Variants in ANKRD44 observed in about 807,000 individuals in gnomAD.
ANKRD44 encodes the protein ankyrin repeat domain 44, also known as serine/threonine-protein phosphatase 6 regulatory ankyrin repeat subunit B.
In ANKRD44, 35 loss-of-function variants were observed where a neutral mutation model predicts 116.0. The observed-to-expected ratio is 0.30, with a 90% confidence interval of 0.23 to 0.40. ANKRD44 has a LOEUF of 0.40. Ranked by LOEUF, ANKRD44 falls within the 10% of genes least tolerant of loss-of-function variation. ANKRD44 has a pLI of 1.00. For synonymous variants in ANKRD44, 435 were observed against 461.8 expected, an observed-to-expected ratio of 0.94 and a Z score of 0.74; for missense variants, 1,014 against 1,242.6, an observed-to-expected ratio of 0.82 and a Z score of 2.77.
At chr2:197,226,519 C>G (rs1165863362) in intron 1 of ANKRD44, among the ~76,000 whole-genome samples, 1 of 152,100 alleles carries the variant, frequency 6.6e-6, no homozygotes, top group Non-Finnish European at 1.5e-5. Context: ...AAAAAATTAG[C>G]CAGGTGTGGT....
At chr2:197,249,576 TCTC>T (rs2082272209) in intron 1 of ANKRD44, among the ~76,000 whole-genome samples, 1 of 152,182 alleles carries the variant, frequency 6.6e-6, no homozygotes, top group Non-Finnish European at 1.5e-5. Flanking sequence ...AAACACATAA[TCTC>T]CTCATCAGCT....
At position 197,038,139 on chromosome 2, in the gene ANKRD44, G is replaced by T. The variant is rs568332215; in HGVS notation, c.1651-12872C>A. On this transcript the variant is annotated intron_variant, in intron 16 of 27. Coordinates refer to ENST00000282272, the MANE Select transcript of ANKRD44 (RefSeq NM_001195144.2). ...TATAACACCAAGAGTGGACCTTGAG[G>T]TAAACTCTGGGACTTTGGGTGATTT... Among the ~76,000 whole-genome samples the T allele has an allele frequency of 7.2e-5, 11 of 152,156 alleles. No homozygotes were observed. In the South Asian group the frequency reaches 2.1e-3, roughly 29 times the overall value.
At chr2:197,256,948 T>G (rs912169969) in intron 1 of ANKRD44, among the ~76,000 whole-genome samples, 5 of 152,104 alleles carry the variant, frequency 3.3e-5, no homozygotes, top group Non-Finnish European at 5.9e-5. Context: ...AGAAAAAAAC[T>G]GTATTCATGC....
At chr2:197,056,975 T>A (rs2077215245) in intron 16 of ANKRD44, among the ~76,000 whole-genome samples, 1 of 152,244 alleles carries the variant, frequency 6.6e-6, no homozygotes, top group African/African-American at 2.4e-5. Flanking sequence ...CGGGCCATTC[T>A]GTCCACCACA....
At chr2:197,117,185 C>G (rs1470582261) in intron 8 of ANKRD44, among the ~76,000 whole-genome samples, 1 of 22,882 alleles carries the variant, frequency 4.4e-5, no homozygotes, top group Non-Finnish European at 2.3e-4. Context: ...TCTGCTGCAC[C>G]ACCTTTCTTT....
intron 14 of ANKRD44, 107 bp from the exon 15 acceptor site, chr2:197,081,832 C>T: frequency 1.2e-6 from 1 of 848,118 alleles, no homozygotes. Flanking sequence ...TACCCCAACC[C>T]AAAAGAAGTA....
chr2:197,115,400 C>A (rs1046124429), intron 8 of ANKRD44, among the ~76,000 whole-genome samples: 7 of 152,158 alleles, frequency 4.6e-5, no homozygotes, highest in Non-Finnish European at 7.4e-5. Flanking sequence ...TATAAGTAAA[C>A]CATCAATTGA....
Position 197,212,782 on chromosome 2 carries a change from A to T in ANKRD44, c.28-25676T>A, listed in dbSNP as rs1231902635. Among the ~76,000 whole-genome samples, 1 of 152,180 alleles carries T rather than the reference A, an allele frequency of 6.6e-6. No homozygotes were observed. Among genetic ancestry groups the T allele is most frequent in the Non-Finnish European group, 1.5e-5 (1 of 68,038 alleles). ...ACACCCACAAGGAAGGGAGGTGGAC[A>T]CGTACACACACAAACACACACTTCA... On this transcript the variant is annotated intron_variant, in intron 1 of 27. Transcript: ENST00000282272. The surrounding 1 kb of genome is among the most constrained non-coding windows in gnomAD (Gnocchi z 4.8).
chr2:197,219,067 T>C (rs1002697877), intron 1 of ANKRD44, among the ~76,000 whole-genome samples: 4 of 146,926 alleles, frequency 2.7e-5, no homozygotes, highest in African/African-American at 1.0e-4. Context: ...CTGGCTAAAG[T>C]TCCTTTTTTT....
chr2:197,287,657 G>C (rs2083442871), intron 1 of ANKRD44, among the ~76,000 whole-genome samples: 1 of 152,136 alleles, frequency 6.6e-6, no homozygotes, highest in African/African-American at 2.4e-5. Flanking sequence ...AGTAACTGCT[G>C]AGATATAATA....
At chr2:196,979,554 CTTTT>C (rs71012942) in intron 21 of ANKRD44, among the ~76,000 whole-genome samples, 32 of 59,640 alleles carry the variant, frequency 5.4e-4, no homozygotes, top group African/African-American at 1.3e-3. Flanking sequence ...AATAAGATGA[CTTTT>C]TTTTTTTTTT....
chr2:197,272,802 C>T (rs1574414006), intron 1 of ANKRD44, among the ~76,000 whole-genome samples: 2 of 152,242 alleles, frequency 1.3e-5, no homozygotes, highest in Middle Eastern at 3.4e-3. Flanking sequence ...GCCTTGACAG[C>T]AGCCTCCAGA....
chr2:197,072,985 A>G (rs1323155950), intron 16 of ANKRD44, among the ~76,000 whole-genome samples: 4 of 152,202 alleles, frequency 2.6e-5, no homozygotes, highest in African/African-American at 9.6e-5. Context: ...TTCCAGTATG[A>G]CAATCACAGA....
intron 27 of ANKRD44, 65 bp from the exon 28 acceptor site, chr2:196,989,714 G>A (rs944739691): frequency 1.9e-5 from 29 of 1,540,016 alleles, no homozygotes; most frequent in African/African-American, 1.4e-4. Flanking sequence ...ACTGGCAATC[G>A]GTTTTACATG....
chr2:197,238,290 T>C (rs1339182709), intron 1 of ANKRD44, among the ~76,000 whole-genome samples: 1 of 151,990 alleles, frequency 6.6e-6, no homozygotes, highest in Non-Finnish European at 1.5e-5. Context: ...ATTTGCTGAA[T>C]GAATAAACAA....
intron 20 of ANKRD44, 46 bp downstream of exon 20, chr2:197,007,760 C>T: frequency 1.6e-6 from 2 of 1,221,582 alleles, no homozygotes; most frequent in Non-Finnish European, 2.4e-6. Flanking sequence ...AGAAAACAAG[C>T]TCATTAAAAA....
At chr2:197,006,120 T>A (rs2076197471) in intron 20 of ANKRD44, among the ~76,000 whole-genome samples, 1 of 152,146 alleles carries the variant, frequency 6.6e-6, no homozygotes, top group Non-Finnish European at 1.5e-5. Context: ...TTTCGAAATA[T>A]CTCTTGCCTC....
At chr2:197,248,998 T>C (rs1457233435) in intron 1 of ANKRD44, among the ~76,000 whole-genome samples, 1 of 152,112 alleles carries the variant, frequency 6.6e-6, no homozygotes, top group Non-Finnish European at 1.5e-5. Flanking sequence ...GCTGGCCGAG[T>C]GAGGTGGCTC....
chr2:197,103,380 T>C (rs2078348811), intron 9 of ANKRD44, among the ~76,000 whole-genome samples: 2 of 152,174 alleles, frequency 1.3e-5, no homozygotes, highest in African/African-American at 4.8e-5. Context: ...GATATAGATA[T>C]CTGATCCTTT....
Sources: gnomAD v4.1 joint callset for allele counts (sites outside exome capture counted in the v4.1 genomes callset) on GRCh38, gnomAD v4.1.1 for gene constraint, Gnocchi (gnomAD v3.1) non-coding constraint, MANE v1.5 for transcripts, NCBI Gene and HGNC (gene_info 2026-07-23, HGNC 2026-07-21) for gene names.